Variants in ARNT2 observed in about 807,000 individuals in gnomAD.
ARNT2 encodes ARNT protein 2.
In ARNT2, 36 loss-of-function variants were observed where a neutral mutation model predicts 91.7. The ratio of observed to expected loss-of-function variants is 0.39; its 90% CI spans 0.30 to 0.52. ARNT2 has a LOEUF of 0.52. Among genes scored for constraint, ARNT2 ranks in the 20% least tolerant of loss-of-function variants. The pLI is 0.72. For synonymous variants in ARNT2, 365 were observed against 347.1 expected (o/e 1.05, Z -0.57); for missense variants, 775 against 939.3 (o/e 0.83, Z 2.29).
At chr15:80,445,125 AGT>A (rs956248935) in intron 1 of ARNT2, 3 of 114,904 alleles carry the variant, frequency 2.6e-5, no homozygotes, top group Non-Finnish European at 5.5e-5. Flanking sequence ...GTGTGTATGG[AGT>A]GTGTGTGGTG....
intron 8 of ARNT2, among the ~76,000 whole-genome samples, chr15:80,524,943 T>A (rs1897616901): frequency 6.6e-6 from 1 of 152,100 alleles, no homozygotes; most frequent in African/African-American, 2.4e-5. Context: ...AACATGCACT[T>A]CATGATCCCA....
At chr15:80,548,689 A>G (rs1379998456) in intron 8 of ARNT2, among the ~76,000 whole-genome samples, 3 of 152,172 alleles carry the variant, frequency 2.0e-5, no homozygotes, top group Admixed American at 6.5e-5. Context: ...AATAATTTTA[A>G]TGAGTACACA....
chr15:80,441,343 A>G, intron 1 of ARNT2: 1 of 985,408 alleles, frequency 1.0e-6, no homozygotes, highest in Non-Finnish European at 1.2e-6. Flanking sequence ...TGTTGGTCAC[A>G]AGGAAGAAAG....
intron 1 of ARNT2, among the ~76,000 whole-genome samples, chr15:80,449,310 G>A (rs923540590): frequency 6.6e-6 from 1 of 152,192 alleles, no homozygotes; most frequent in African/African-American, 2.4e-5. Context: ...ATTGTCATCT[G>A]TCTTTGCTGT....
At chr15:80,514,625 G>A (rs557302363) in intron 8 of ARNT2, among the ~76,000 whole-genome samples, 3 of 152,346 alleles carry the variant, frequency 2.0e-5, no homozygotes, top group South Asian at 2.1e-4. Flanking sequence ...AGTGGCTCAC[G>A]CCTGTAATCC....
chr15:80,431,881 G>T (rs1188712237), intron 1 of ARNT2, among the ~76,000 whole-genome samples: 1 of 152,188 alleles, frequency 6.6e-6, no homozygotes, highest in Non-Finnish European at 1.5e-5. Flanking sequence ...CACCCAGCAG[G>T]GGGCTGAGCA....
intron 5 of ARNT2, among the ~76,000 whole-genome samples, chr15:80,500,402 C>A (rs1338076223): frequency 1.2e-4 from 19 of 152,190 alleles, no homozygotes; most frequent in Admixed American, 1.2e-3. Context: ...CCTTTGCCAT[C>A]TCACTGTTCC....
intron 8 of ARNT2, among the ~76,000 whole-genome samples, chr15:80,548,732 C>T (rs1898030996): frequency 6.6e-6 from 1 of 152,006 alleles, no homozygotes; most frequent in Non-Finnish European, 1.5e-5. Context: ...AATTTGAAAA[C>T]AGTCCTGAAA....
chr15:80,575,162 T>G (rs1898651633), intron 14 of ARNT2, 52 bp downstream of exon 14: 1 of 1,600,062 alleles, frequency 6.2e-7, no homozygotes, highest in Non-Finnish European at 8.6e-7. Context: ...TACAGTTGCT[T>G]TCAGGCCATC....
chr15:80,481,273 C>G (rs1313277623), intron 5 of ARNT2, among the ~76,000 whole-genome samples: 3 of 152,238 alleles, frequency 2.0e-5, no homozygotes, highest in Non-Finnish European at 4.4e-5. Context: ...CATTTTCAGC[C>G]AGCTCTGCAG....
chr15:80,439,791 CA>C (rs1896160370), intron 1 of ARNT2, among the ~76,000 whole-genome samples: 1 of 152,190 alleles, frequency 6.6e-6, no homozygotes, highest in South Asian at 2.1e-4. Flanking sequence ...CCCTTTTATA[CA>C]GGAAGGTCCC....
In ARNT2 at chr15:80,507,623, T is replaced by C. The variant is rs1474522486; in HGVS notation, c.623-533T>C. Among the ~76,000 whole-genome samples the C allele has an allele frequency of 2.0e-5, 3 of 151,994 alleles. No individual in the cohort carries two copies. The East Asian group carries it at 5.8e-4, about 29-fold the overall frequency. ...AAACCTGGGTGTGGATAAAATTGCATAGGGAACATGTACAGTGAGAAGAGA... is the reference window on the plus strand; with the variant it reads ...AAACCTGGGTGTGGATAAAATTGCACAGGGAACATGTACAGTGAGAAGAGA... On this transcript the variant is annotated intron_variant, in intron 5 of 18. Coordinates refer to ENST00000303329, the MANE Select transcript of ARNT2 (RefSeq NM_014862.4).
At chr15:80,475,275 C>T in intron 5 of ARNT2, 52 bp downstream of exon 5, 1 of 1,591,842 alleles carries the variant, frequency 6.3e-7, no homozygotes, top group Non-Finnish European at 8.6e-7. Flanking sequence ...ACATTCTTGG[C>T]TGGGCATGGT....
At chr15:80,517,248 C>T (rs977732667) in intron 8 of ARNT2, among the ~76,000 whole-genome samples, 1 of 152,058 alleles carries the variant, frequency 6.6e-6, no homozygotes, top group African/African-American at 2.4e-5. Flanking sequence ...TACTTTGTTT[C>T]AGTGCTTTAA....
chr15:80,488,568 G>A (rs1897009707), intron 5 of ARNT2: 1 of 152,062 alleles, frequency 6.6e-6, no homozygotes, highest in African/African-American at 2.4e-5. Flanking sequence ...AAATTCAGAT[G>A]CCAGGACTCC....
At chr15:80,410,712 A>T (rs1047837960) in intron 1 of ARNT2, among the ~76,000 whole-genome samples, 12 of 152,218 alleles carry the variant, frequency 7.9e-5, no homozygotes, top group African/African-American at 2.9e-4. Flanking sequence ...GGTCATAGGG[A>T]GATTATTTCT....
chr15:80,549,331 C>T (rs1229486880), intron 8 of ARNT2, among the ~76,000 whole-genome samples: 1 of 152,090 alleles, frequency 6.6e-6, no homozygotes, highest in African/African-American at 2.4e-5. Context: ...AGCTTTCTAA[C>T]TATGACTCAG....
chr15:80,574,911 G>A (rs1898642781), intron 13 of ARNT2, 76 bp from the exon 14 acceptor site: 2 of 1,524,912 alleles, frequency 1.3e-6, no homozygotes, highest in South Asian at 1.2e-5. Flanking sequence ...ATGAAGGAGA[G>A]CTGGTGGCTC....
intron 8 of ARNT2, among the ~76,000 whole-genome samples, chr15:80,518,253 C>T (rs73496340): frequency 0.011 from 1,697 of 148,928 alleles, 27 homozygotes; most frequent in African/African-American, 0.04. Flanking sequence ...TTTGGTTTTC[C>T]GAAGAACTTT....
Sources: allele counts gnomAD v4.1 joint callset (sites outside exome capture counted in the v4.1 genomes callset), GRCh38; gene constraint gnomAD v4.1.1; transcripts MANE v1.5; gene names NCBI Gene and HGNC (gene_info 2026-07-23, HGNC 2026-07-21).